Variants in BPI observed in about 807,000 individuals in gnomAD.
BPI encodes bactericidal permeability-increasing protein.
Under a neutral mutation model 57.6 loss-of-function variants are expected in BPI, and 48 were observed. The ratio of observed to expected loss-of-function variants is 0.83; its 90% CI spans 0.66 to 1.06. The LOEUF (loss-of-function observed/expected upper bound fraction) is 1.06. Among genes scored for constraint, BPI ranks in the 50% least tolerant of loss-of-function variants. The pLI is 0.00. For synonymous variants in BPI, 237 were observed against 238.2 expected (o/e 0.99, Z 0.05); for missense variants, 651 against 609.7 (o/e 1.07, Z -0.71).
intron 7 of BPI, among the ~76,000 whole-genome samples, chr20:38,321,386 A>G (rs1217391503): frequency 6.6e-6 from 1 of 152,052 alleles, no homozygotes; most frequent in Non-Finnish European, 1.5e-5. Context: ...ACACTTCCTC[A>G]AATAGGTTAA....
At chr20:38,307,038 A>T (rs78270314) in intron 1 of BPI, among the ~76,000 whole-genome samples, 8,816 of 152,094 alleles carry the variant, frequency 0.058, 367 homozygotes, top group East Asian at 0.22. Context: ...TTAAAAAAAA[A>T]TTTTTAAAAA....
At chr20:38,316,406 GT>G (rs1490196396) in intron 5 of BPI, among the ~76,000 whole-genome samples, 1 of 152,244 alleles carries the variant, frequency 6.6e-6, no homozygotes, top group Admixed American at 6.5e-5. Context: ...CACAGGGACA[GT>G]TGTCCTTGAG....
chr20:38,315,928 G>A (rs2076649953), intron 5 of BPI, among the ~76,000 whole-genome samples: 1 of 151,378 alleles, frequency 6.6e-6, no homozygotes. Context: ...CGCCTCCCGG[G>A]TTCAAGAGAT....
chr20:38,332,767 T>C (rs1350452976), intron 12 of BPI, among the ~76,000 whole-genome samples: 1 of 152,060 alleles, frequency 6.6e-6, no homozygotes, highest in Non-Finnish European at 1.5e-5. Context: ...TCACTGCTCA[T>C]CATTAAGTAG....
intron 10 of BPI, 107 bp from the exon 11 acceptor site, chr20:38,327,481 G>A: frequency 8.1e-7 from 1 of 1,241,230 alleles, no homozygotes; most frequent in Non-Finnish European, 1.1e-6. Context: ...ACCCCACAGT[G>A]TATGCTGCCC....
At chr20:38,317,754 C>G in intron 5 of BPI, 1 of 1,266,196 alleles carries the variant, frequency 7.9e-7, no homozygotes, top group Admixed American at 2.0e-5. Context: ...TGCCATGTTC[C>G]GTTTTACAGA....
At position 38,309,144 on chromosome 20, in the gene BPI, A is replaced by G. The variant is rs1261367171; in HGVS notation, c.374+86A>G. On this transcript the variant is annotated intron_variant, in intron 3 of 14. Coordinates refer to ENST00000642449, the MANE Select transcript of BPI (RefSeq NM_001725.3). ...AGAGTCAGCGTCTCTGGAATGCCCA[A>G]TTTTTGCCTTGCCTATTACCACCTA... 6.3e-6 allele frequency: 10 copies of G among 1,590,730 alleles called. No homozygotes were observed. The East Asian group carries it at 9.0e-5, about 14-fold the overall frequency.
In BPI at chr20:38,311,893, C is replaced by T. The variant is rs989005143; in HGVS notation, c.556C>T (p.His186Tyr). 2 of 1,613,894 alleles carry T rather than the reference C, an allele frequency of 1.2e-6. No homozygotes were observed. The highest frequency in any genetic ancestry group is 2.7e-5 in the African/African-American group (2 of 74,894). The change falls in exon 5 of 15, where the codon CAC (histidine) becomes TAC (tyrosine). Residue 186 changes from histidine to tyrosine, a missense_variant. By Grantham distance (83) the His-to-Tyr change is moderately conservative. Coordinates refer to ENST00000642449, the MANE Select transcript of BPI (RefSeq NM_001725.3). ...SKVGWLIQLF[H>Y]KKIESALRNK... ...CTCTAGGTGGCTGATCCAACTCTTCCACAAAAAAATTGAGTCTGCGCTTCG... is the reference window on the plus strand; with the variant it reads ...CTCTAGGTGGCTGATCCAACTCTTCTACAAAAAAATTGAGTCTGCGCTTCG...
chr20:38,326,121 G>C (rs904711744), intron 9 of BPI, 144 bp from the exon 10 acceptor site: 10 of 877,868 alleles, frequency 1.1e-5, no homozygotes, highest in African/African-American at 5.1e-5. Flanking sequence ...GGTGCCAGCT[G>C]GCAGACTGTG....
At chr20:38,327,446 C>A in intron 10 of BPI, 142 bp from the exon 11 acceptor site, 1 of 790,180 alleles carries the variant, frequency 1.3e-6, no homozygotes, top group Non-Finnish European at 2.1e-6. Flanking sequence ...GGAAGTCTCC[C>A]CACTCCTCTG....
intron 5 of BPI, among the ~76,000 whole-genome samples, chr20:38,315,816 CTTTCTTTTCT>C (rs1224646823): frequency 6.9e-6 from 1 of 144,986 alleles, no homozygotes; most frequent in East Asian, 2.0e-4. Context: ...ACTCTTCTTC[CTTTCTTTTCT>C]TTTCTTTTCT....
chr20:38,324,924 C>A, intron 9 of BPI, 91 bp downstream of exon 9: 1 of 1,008,674 alleles, frequency 9.9e-7, no homozygotes, highest in Non-Finnish European at 1.6e-6. Flanking sequence ...CTCCACCCAA[C>A]ATAACACACA....
intron 7 of BPI, among the ~76,000 whole-genome samples, chr20:38,323,566 G>C (rs558899616): frequency 1.5e-4 from 23 of 152,196 alleles, no homozygotes; most frequent in Non-Finnish European, 3.2e-4. Context: ...TGGAGGCCTG[G>C]GTTCAATTTC....
intron 12 of BPI, 70 bp from the exon 13 acceptor site, chr20:38,334,360 A>G: frequency 7.0e-7 from 1 of 1,433,936 alleles, no homozygotes; most frequent in Non-Finnish European, 9.8e-7. Flanking sequence ...AGGTGGGGTG[A>G]TGAGGACTGC....
intron 4 of BPI, 29 bp downstream of exon 4, chr20:38,310,681 G>A (rs1261143968): frequency 6.3e-7 from 1 of 1,595,008 alleles, no homozygotes; most frequent in South Asian, 1.1e-5. Flanking sequence ...GTGGCTGGGA[G>A]GAGGGACTTA....
At position 38,337,132 on chromosome 20, in the gene BPI, T is replaced by G. The variant is rs1291235864; in HGVS notation, c.1414-14T>G. On this transcript the variant is annotated splice_polypyrimidine_tract_variant and intron_variant, in intron 14 of 14. Transcript: ENST00000642449. ...GCATCTTCAACTGGTGACAACATTC[T>G]CATCTCTCCCTAGAACTTCCTGCTG... 2 of 1,602,530 alleles carry G rather than the reference T, an allele frequency of 1.2e-6. No homozygotes were observed. Among genetic ancestry groups the G allele is most frequent in the South Asian group, 2.3e-5 (2 of 88,846 alleles).
intron 5 of BPI, among the ~76,000 whole-genome samples, chr20:38,316,305 C>A (rs1378173223): frequency 6.6e-6 from 1 of 152,116 alleles, no homozygotes; most frequent in African/African-American, 2.4e-5. Context: ...TAGAGGTGAC[C>A]TCTAGGCAGA....
chr20:38,310,444 A>C, intron 3 of BPI, 47 bp from the exon 4 acceptor site: 1 of 1,589,982 alleles, frequency 6.3e-7, no homozygotes, highest in South Asian at 1.1e-5. Flanking sequence ...TTTGAATGTC[A>C]GTGGGAAGAA....
chr20:38,334,322 G>A (rs2076756434), intron 12 of BPI, 108 bp from the exon 13 acceptor site: 3 of 1,088,014 alleles, frequency 2.8e-6, no homozygotes, highest in Non-Finnish European at 2.8e-6. Flanking sequence ...CGGTTGCTGA[G>A]CAGCGCTAGG....
Sources: gnomAD v4.1 joint callset for allele counts (sites outside exome capture counted in the v4.1 genomes callset) on GRCh38, gnomAD v4.1.1 for gene constraint, MANE v1.5 for transcripts, NCBI Gene and HGNC (gene_info 2026-07-23, HGNC 2026-07-21) for gene names.